SLC4A4: variants seen among roughly 807,000 people sequenced by gnomAD.
The protein encoded by SLC4A4 is electrogenic sodium bicarbonate cotransporter 1.
A neutral mutation model predicts 111.5 loss-of-function variants in SLC4A4; 27 were observed. That is an observed-to-expected ratio of 0.24 (90% CI 0.18 to 0.33). The LOEUF (loss-of-function observed/expected upper bound fraction) is 0.33, where lower values mean the gene tolerates loss of function less well. Ranked by LOEUF, SLC4A4 falls within the 10% of genes least tolerant of loss-of-function variation. The probability of loss-of-function intolerance (pLI) is 1.00; values close to 1 mark genes in which losing one functional copy is unlikely to be tolerated. For missense variants in SLC4A4, 909 were observed against 1,315.5 expected (o/e 0.69, Z 4.78); for synonymous variants, 443 against 463.4 (o/e 0.96, Z 0.57).
At chr4:71,224,837 A>G (rs1718955688) in intron 1 of SLC4A4, among the ~76,000 whole-genome samples, 1 of 152,186 alleles carries the variant, frequency 6.6e-6, no homozygotes, top group Admixed American at 6.5e-5. Flanking sequence ...GAGTGGTTAA[A>G]ATTGTGGACT....
In SLC4A4 at chr4:71,546,387, C is replaced by A; in HGVS notation, c.2480C>A (p.Ala827Asp). ...TATCACTTGGATCTCTTTTGGGTGG[C>A]CATCCTCATGGTTATATGCTCCCTC... is the stretch of plus-strand genomic sequence containing the variant. ...AGYHLDLFWV[A>D]ILMVICSLMA... is the part of the protein sequence containing the mutation. The change falls in exon 19 of 26, where the codon GCC (alanine) becomes GAC (aspartate). Residue 827 changes from alanine to aspartate, a missense_variant. Around this residue, in one of 7 missense-constraint regions of SLC4A4, gnomAD observed 264 missense variants for 356.8 expected, o/e 0.74. Transcript: ENST00000264485. 1 of 1,612,794 alleles carries A rather than the reference C, an allele frequency of 6.2e-7. No individual in the cohort carries two copies. Among genetic ancestry groups the A allele is most frequent in the Non-Finnish European group, 8.5e-7 (1 of 1,179,046 alleles).
intron 2 of SLC4A4, among the ~76,000 whole-genome samples, chr4:71,167,280 A>T (rs1314373852): frequency 1.3e-5 from 2 of 152,186 alleles, no homozygotes; most frequent in Non-Finnish European, 2.9e-5. Context: ...CAAGCAAGGC[A>T]GCATTAGGAC....
At chr4:71,258,655 C>T (rs187738904) in intron 3 of SLC4A4, among the ~76,000 whole-genome samples, 161 of 152,252 alleles carry the variant, frequency 1.1e-3, no homozygotes, top group Middle Eastern at 0.01. Flanking sequence ...TTTCTTATAT[C>T]CTAGATAGAG....
At chr4:71,078,102 GA>G (rs748309877) in intron 1 of SLC4A4, among the ~76,000 whole-genome samples, 8 of 152,132 alleles carry the variant, frequency 5.3e-5, no homozygotes, top group Non-Finnish European at 7.4e-5. Context: ...GATAGCAGGA[GA>G]AAAGAATTGG....
chr4:71,197,170 G>T lies in SLC4A4; in HGVS notation c.-2+9769G>T, dbSNP rs942364538. 3.9e-5 allele frequency among the ~76,000 whole-genome samples: 6 copies of T among 152,094 alleles called. No homozygotes were observed. The South Asian group carries it at 8.3e-4, about 21-fold the overall frequency. ...GTGGGGGTTGCAGTGAGGTGAGGTC[G>T]CACCACTGCACTCCAGCCTGGGCGA... is the stretch of plus-strand genomic sequence containing the variant. On this transcript the variant is annotated intron_variant, in intron 1 of 25. Transcript: ENST00000264485.
In SLC4A4 at chr4:71,453,480, A is replaced by G; in HGVS notation, c.1323-15A>G. The G allele has an allele frequency of 6.2e-7, 1 of 1,613,004 alleles. No individual in the cohort carries two copies. The highest frequency in any genetic ancestry group is 8.5e-7 in the Non-Finnish European group (1 of 1,179,078). On this transcript the variant is annotated splice_polypyrimidine_tract_variant and intron_variant, in intron 11 of 25. Coordinates refer to ENST00000264485, the MANE Select transcript of SLC4A4 (RefSeq NM_001098484.3). ...TACTTTACATTTAGTGGATGTTTGC[A>G]TTCTCTCTGCCCAGGTTCTGTGGTG...
At chr4:71,445,978 C>G (rs2149068113) in intron 8 of SLC4A4, among the ~76,000 whole-genome samples, 1 of 152,278 alleles carries the variant, frequency 6.6e-6, no homozygotes, top group South Asian at 2.1e-4. Flanking sequence ...CTTGAACAGA[C>G]TTTGGTGCCT....
intron 18 of SLC4A4, among the ~76,000 whole-genome samples, chr4:71,541,630 A>G (rs1299638310): frequency 1.3e-5 from 2 of 151,762 alleles, no homozygotes; most frequent in East Asian, 2.0e-4. Flanking sequence ...GGCCTCCCCT[A>G]TTCAGCGATA....
chr4:71,173,640 G>A (rs1461756647), intron 2 of SLC4A4, among the ~76,000 whole-genome samples: 1 of 152,154 alleles, frequency 6.6e-6, no homozygotes, highest in Non-Finnish European at 1.5e-5. Flanking sequence ...CTCCCAAAGT[G>A]GTGGGATTAC....
chr4:71,484,836 AGTGGTTT>A (rs1729224609), intron 14 of SLC4A4, among the ~76,000 whole-genome samples: 1 of 151,622 alleles, frequency 6.6e-6, no homozygotes, highest in Non-Finnish European at 1.5e-5. Flanking sequence ...TTTCTTTAGC[AGTGGTTT>A]GTGGTTCTCC....
chr4:71,451,074 T>A, intron 10 of SLC4A4, 114 bp from the exon 11 acceptor site: 1 of 740,502 alleles, frequency 1.4e-6, no homozygotes, highest in East Asian at 2.7e-5. Context: ...GAAATAACAA[T>A]CTTTCACCTT....
At chr4:71,121,345 TGAG>T (rs1282291072) in intron 2 of SLC4A4, among the ~76,000 whole-genome samples, 1 of 152,196 alleles carries the variant, frequency 6.6e-6, no homozygotes, top group African/African-American at 2.4e-5. Context: ...GGCGCTGGAC[TGAG>T]GAGTGCAGGC....
At chr4:71,423,683 G>A (rs907357795) in intron 7 of SLC4A4, among the ~76,000 whole-genome samples, 5 of 152,062 alleles carry the variant, frequency 3.3e-5, no homozygotes, top group Admixed American at 3.3e-4. Context: ...CAGAAATAAC[G>A]CCGCATATCT....
intron 3 of SLC4A4, among the ~76,000 whole-genome samples, chr4:71,287,665 A>G (rs2149098460): frequency 6.6e-6 from 1 of 152,300 alleles, no homozygotes; most frequent in Admixed American, 6.5e-5. Context: ...TTGACAGTAA[A>G]GTCTCATTGA....
intron 3 of SLC4A4, chr4:71,301,049 A>G (rs1725213217): frequency 2.4e-6 from 1 of 410,112 alleles, no homozygotes; most frequent in Non-Finnish European, 4.9e-6. Context: ...AAGGTGCTTA[A>G]CAGTAGCTTG....
intron 12 of SLC4A4, among the ~76,000 whole-genome samples, chr4:71,454,384 C>A (rs1047746191): frequency 6.6e-6 from 1 of 152,126 alleles, no homozygotes; most frequent in Non-Finnish European, 1.5e-5. Flanking sequence ...TTGGTCCAAT[C>A]CTTTTCAGAA....
At chr4:71,334,478 G>T (rs778533602) in intron 3 of SLC4A4, among the ~76,000 whole-genome samples, 47 of 152,242 alleles carry the variant, frequency 3.1e-4, no homozygotes, top group Middle Eastern at 6.8e-3. Context: ...GGAGTTGGGG[G>T]AGAGGTGGTG....
chr4:71,318,984 G>C (rs531372284), intron 3 of SLC4A4, among the ~76,000 whole-genome samples: 1 of 151,880 alleles, frequency 6.6e-6, no homozygotes, highest in Non-Finnish European at 1.5e-5. Context: ...ATCTTAATAT[G>C]TGTGTGTTTT....
At chr4:71,458,937 A>G (rs1166707675) in intron 12 of SLC4A4, among the ~76,000 whole-genome samples, 1 of 152,066 alleles carries the variant, frequency 6.6e-6, no homozygotes, top group Non-Finnish European at 1.5e-5. Flanking sequence ...TCCAGTTTCA[A>G]AGTTAGGTAG....
Sources: gnomAD v4.1 joint callset for allele counts (sites outside exome capture counted in the v4.1 genomes callset) on GRCh38, gnomAD v4.1.1 for gene constraint, gnomAD v4.1.1 regional missense constraint, MANE v1.5 for transcripts, NCBI Gene and HGNC (gene_info 2026-07-23, HGNC 2026-07-21) for gene names.